The following ACACB variants were observed in gnomAD, a reference collection of about 807,000 sequenced individuals.
The protein encoded by ACACB is acetyl-CoA carboxylase 2.
Under a neutral mutation model 278.8 loss-of-function variants are expected in ACACB, and 209 were observed. That is an observed-to-expected ratio of 0.75 (90% confidence interval 0.67 to 0.84). The LOEUF (loss-of-function observed/expected upper bound fraction) is 0.84. Among genes scored for constraint, ACACB ranks in the 40% least tolerant of loss-of-function variants. The probability of loss-of-function intolerance (pLI) is 0.00; values close to 1 mark genes in which losing one functional copy is unlikely to be tolerated. For missense variants in ACACB, 2,850 were observed against 3,269.0 expected (o/e 0.87, Z 3.13); for synonymous variants, 1,174 against 1,285.6 (o/e 0.91, Z 1.86).
Position 109,166,841 on chromosome 12 carries a change from C to G in ACACB, c.654-20C>G. 6.2e-7 allele frequency: 1 copy of G among 1,613,868 alleles called. No homozygotes were observed. Among genetic ancestry groups the G allele is most frequent in the Non-Finnish European group, 8.5e-7 (1 of 1,179,958 alleles). On this transcript the variant is annotated intron_variant, in intron 2 of 52. Coordinates refer to ENST00000338432, the MANE Select transcript of ACACB (RefSeq NM_001093.4). ...GGCTTCTTCCCTCATGCACGTCTGTCCCTCATTCTTATTCTGCAGGCCGAG... is the reference window on the plus strand; with the variant it reads ...GGCTTCTTCCCTCATGCACGTCTGTGCCTCATTCTTATTCTGCAGGCCGAG...
chr12:109,213,000 G>C, intron 22 of ACACB, 64 bp downstream of exon 22: 9 of 1,425,208 alleles, frequency 6.3e-6, no homozygotes, highest in Non-Finnish European at 8.9e-6. Flanking sequence ...ATTGCACCAG[G>C]GTGGTGCTCT....
chr12:109,192,075 C>A, intron 15 of ACACB, 125 bp downstream of exon 15: 1 of 1,000,292 alleles, frequency 1.0e-6, no homozygotes, highest in Non-Finnish European at 1.5e-6. Context: ...CTCCTCCGGT[C>A]TTGCCTCTGG....
At chr12:109,254,388 TTGAGACA>T in intron 44 of ACACB, 54 bp downstream of exon 44, 1 of 1,537,426 alleles carries the variant, frequency 6.5e-7, no homozygotes, top group Non-Finnish European at 8.7e-7. Context: ...TTTCTAGGGC[TTGAGACA>T]AAGGAGCACT....
chr12:109,201,628 G>T lies in ACACB; in HGVS notation c.2840G>T (p.Arg947Leu), dbSNP rs181685208. The change falls in exon 19 of 53, where the codon CGT becomes CTT. Residue 947 changes from arginine (R) to leucine (L), a missense_variant. Physicochemically the swap from Arg to Leu is moderately radical, Grantham distance 102 (BLOSUM62 -2). This residue lies in a region of ACACB where 2,265 missense variants were observed against 2,561.3 expected (regional missense o/e 0.88). Coordinates refer to ENST00000338432, the MANE Select transcript of ACACB (RefSeq NM_001093.4). ...AGAGGCCGGGTGAAGTACATCAAGCGTCCAGGTGCCGTGCTGGAAGCAGGC... is the reference window on the plus strand; with the variant it reads ...AGAGGCCGGGTGAAGTACATCAAGCTTCCAGGTGCCGTGCTGGAAGCAGGC... ...QERGRVKYIK[R>L]PGAVLEAGCV... 5.0e-6 allele frequency: 8 copies of T among 1,614,180 alleles called. No homozygotes were observed. The highest frequency in any genetic ancestry group is 6.8e-6 in the Non-Finnish European group (8 of 1,180,032).
chr12:109,217,475 T>C lies in ACACB; in HGVS notation c.3564+555T>C, dbSNP rs2046037511. Among the ~76,000 whole-genome samples the C allele has an allele frequency of 2.6e-5, 4 of 151,990 alleles. No homozygotes were observed. The South Asian group carries it at 8.3e-4, about 32-fold the overall frequency. ...TGAGCCTAGGAGTTCAAGTCCAGCC[T>C]AGGCAACATTGCAAGACTCCATTTC... On this transcript the variant is annotated intron_variant, in intron 24 of 52. Coordinates refer to ENST00000338432, the MANE Select transcript of ACACB (RefSeq NM_001093.4).
At chr12:109,120,180 G>A (rs2042510180) in intron 1 of ACACB, among the ~76,000 whole-genome samples, 1 of 152,162 alleles carries the variant, frequency 6.6e-6, no homozygotes, top group South Asian at 2.1e-4. Context: ...TGAGGCTTTT[G>A]GAGCTCTTCT....
rs534595742 is a variant in ACACB at position 109,241,271 on chromosome 12, G to C, written c.5012G>C (p.Arg1671Thr). 201 of 1,614,182 alleles carry C rather than the reference G, an allele frequency of 1.2e-4. 3 individuals carry two copies. In the South Asian group the frequency reaches 2.1e-3, roughly 17 times the overall value. ...CTCTACAAAGAAGTGACTGACTCCA[G>C]ATCTGGAAATGTAAGGCTGGCCCGC... ...ISLYKEVTDS[R>T]SGNIMFHSFG... Residue 1671 changes from arginine (R) to threonine (T), a missense_variant, in exon 36 of 53, where the codon AGA becomes ACA. Arg to Thr is a moderately conservative substitution (Grantham distance 71). Transcript: ENST00000338432.
chr12:109,139,628 G>A lies in ACACB; in HGVS notation c.223G>A (p.Glu75Lys), dbSNP rs755735357. Residue 75 changes from glutamate to lysine, a missense_variant, in exon 2 of 53, where the codon GAG (glutamate) becomes AAG (lysine). This residue lies in a region of ACACB where 2,265 missense variants were observed against 2,561.3 expected (regional missense o/e 0.88). Coordinates refer to ENST00000338432, the MANE Select transcript of ACACB (RefSeq NM_001093.4). ...TCTGCCCAAGACACCCAGCCAGGCCGAGCCAGCCTCCCACAAAGGCCCCAA... is the reference window on the plus strand; with the variant it reads ...TCTGCCCAAGACACCCAGCCAGGCCAAGCCAGCCTCCCACAAAGGCCCCAA... ...HTLPKTPSQA[E>K]PASHKGPKDA... is the part of the protein sequence containing the mutation. The A allele has an allele frequency of 6.2e-6, 10 of 1,613,836 alleles. No homozygotes were observed. Among genetic ancestry groups the A allele is most frequent in the Middle Eastern group, 1.6e-4 (1 of 6,084 alleles).
At chr12:109,221,029 G>A (rs1418649434) in intron 24 of ACACB, among the ~76,000 whole-genome samples, 1 of 152,170 alleles carries the variant, frequency 6.6e-6, no homozygotes, top group African/African-American at 2.4e-5. Flanking sequence ...CAGCACCTGT[G>A]CTGTCTGGCC....
At chr12:109,147,391 CTT>C (rs34959945) in intron 2 of ACACB, among the ~76,000 whole-genome samples, 282 of 116,196 alleles carry the variant, frequency 2.4e-3, no homozygotes, top group African/African-American at 8.2e-3. Context: ...TGTCTGGCTA[CTT>C]TTTTTTTTTT....
chr12:109,245,051 T>G (rs2046902141), intron 37 of ACACB, among the ~76,000 whole-genome samples: 1 of 151,678 alleles, frequency 6.6e-6, no homozygotes, highest in East Asian at 1.9e-4. Context: ...AATACAAAAT[T>G]AGCCAGGTGT....
chr12:109,112,617 A>C (rs1378865499), upstream of ACACB, among the ~76,000 whole-genome samples: 1 of 149,644 alleles, frequency 6.7e-6, no homozygotes, highest in Non-Finnish European at 1.5e-5. Context: ...CAGGAGAATC[A>C]CTTGAACCCG....
chr12:109,153,790 G>A (rs1323544356), intron 2 of ACACB, among the ~76,000 whole-genome samples: 1 of 152,090 alleles, frequency 6.6e-6, no homozygotes, highest in Non-Finnish European at 1.5e-5. Context: ...AGTCTCTCGA[G>A]TAGCTGGGAC....
chr12:109,255,688 C>T (rs1376003810), intron 44 of ACACB, among the ~76,000 whole-genome samples: 1 of 152,198 alleles, frequency 6.6e-6, no homozygotes, highest in Non-Finnish European at 1.5e-5. Context: ...CTCTCTGTCT[C>T]TCTGGGAAAT....
intron 9 of ACACB, among the ~76,000 whole-genome samples, chr12:109,178,835 C>G (rs1005959131): frequency 6.6e-6 from 1 of 152,282 alleles, no homozygotes; most frequent in Non-Finnish European, 1.5e-5. Flanking sequence ...AGCCATCTCT[C>G]GAGCAGTTGT....
chr12:109,152,574 G>A (rs1327643853), intron 2 of ACACB, among the ~76,000 whole-genome samples: 1 of 150,264 alleles, frequency 6.7e-6, no homozygotes, highest in African/African-American at 2.4e-5. Flanking sequence ...GGGTGTTTAT[G>A]TTGTGGCCAA....
intron 49 of ACACB, chr12:109,263,494 T>A (rs1054295492): frequency 6.6e-6 from 1 of 152,166 alleles, no homozygotes; most frequent in Non-Finnish European, 1.5e-5. Context: ...GATATTTAAA[T>A]ATCCATTTTA....
chr12:109,172,009 C>A, intron 5 of ACACB, 95 bp downstream of exon 5: 1 of 1,042,466 alleles, frequency 9.6e-7, no homozygotes, highest in Non-Finnish European at 1.5e-6. Context: ...GGTGGAGGGT[C>A]CAGATCCCAC....
chr12:109,256,672 T>C (rs2047232973), intron 45 of ACACB, among the ~76,000 whole-genome samples: 1 of 152,148 alleles, frequency 6.6e-6, no homozygotes. Flanking sequence ...TTCATCTCTT[T>C]GGACAGCTCC....
Sources: gnomAD v4.1 joint callset for allele counts (sites outside exome capture counted in the v4.1 genomes callset) on GRCh38, gnomAD v4.1.1 for gene constraint, gnomAD v4.1.1 regional missense constraint, MANE v1.5 for transcripts, NCBI Gene and HGNC (gene_info 2026-07-23, HGNC 2026-07-21) for gene names.